FBXL17: variants seen among roughly 807,000 people sequenced by gnomAD.
FBXL17 encodes the protein F-box and leucine rich repeat protein 17.
In FBXL17, 22 loss-of-function variants were observed where a neutral mutation model predicts 66.2. The observed-to-expected ratio is 0.33, with a 90% CI of 0.24 to 0.47. The LOEUF (loss-of-function observed/expected upper bound fraction) is 0.47. Ranked by LOEUF, FBXL17 falls within the 20% of genes least tolerant of loss-of-function variation. The probability of loss-of-function intolerance (pLI) is 1.00; values close to 1 mark genes in which losing one functional copy is unlikely to be tolerated. For synonymous variants in FBXL17, 474 were observed against 400.5 expected (o/e 1.18, Z -2.19); for missense variants, 878 against 948.2 (o/e 0.93, Z 0.97).
At chr5:108,041,579 G>A (rs1747047922) in intron 6 of FBXL17, among the ~76,000 whole-genome samples, 1 of 151,906 alleles carries the variant, frequency 6.6e-6, no homozygotes, top group African/African-American at 2.4e-5. Flanking sequence ...ACCACATCTG[G>A]CTAATTTTTT....
At chr5:107,880,560 G>C (rs567887704) in intron 8 of FBXL17, 1 of 1,017,216 alleles carries the variant, frequency 9.8e-7, no homozygotes, top group East Asian at 9.3e-5. Context: ...CCCCCTTACT[G>C]GCCCTTTGTT....
intron 7 of FBXL17, among the ~76,000 whole-genome samples, chr5:107,943,988 C>T (rs1381358076): frequency 1.3e-5 from 2 of 152,152 alleles, no homozygotes; most frequent in Admixed American, 6.5e-5. Flanking sequence ...GTGCCTTGTA[C>T]ATTGATGTCA....
chr5:107,994,036 A>T (rs1753370429), intron 7 of FBXL17, among the ~76,000 whole-genome samples: 1 of 152,146 alleles, frequency 6.6e-6, no homozygotes, highest in Non-Finnish European at 1.5e-5. Context: ...TCATACTAAA[A>T]TTATAATTAT....
intron 6 of FBXL17, among the ~76,000 whole-genome samples, chr5:108,034,053 C>T (rs1009350122): frequency 1.3e-5 from 2 of 152,070 alleles, no homozygotes; most frequent in Non-Finnish European, 2.9e-5. Context: ...CTTTCTGGGC[C>T]CAGATAACAT....
At chr5:108,206,071 G>A (rs1580612056) in intron 5 of FBXL17, among the ~76,000 whole-genome samples, 1 of 151,960 alleles carries the variant, frequency 6.6e-6, no homozygotes, top group East Asian at 1.9e-4. Flanking sequence ...TTCCTACATG[G>A]GAATATCAAT....
At chr5:108,322,309 T>C (rs1182462092) in intron 4 of FBXL17, among the ~76,000 whole-genome samples, 2 of 152,012 alleles carry the variant, frequency 1.3e-5, no homozygotes, top group African/African-American at 2.4e-5. Context: ...TGGCTACTGA[T>C]TGAAAGAATT....
chr5:107,986,467 T>G (rs1753016459), intron 7 of FBXL17, among the ~76,000 whole-genome samples: 1 of 151,618 alleles, frequency 6.6e-6, no homozygotes, highest in Non-Finnish European at 1.5e-5. Flanking sequence ...TAATATATAT[T>G]TATCATTTTG....
intron 6 of FBXL17, among the ~76,000 whole-genome samples, chr5:108,085,164 G>T (rs1748920798): frequency 6.6e-6 from 1 of 152,202 alleles, no homozygotes; most frequent in Non-Finnish European, 1.5e-5. Context: ...TTCACTGGAT[G>T]TCCAACTGTA....
chr5:108,279,541 T>A (rs1159276377), intron 4 of FBXL17, among the ~76,000 whole-genome samples: 1 of 149,524 alleles, frequency 6.7e-6, no homozygotes, highest in East Asian at 2.0e-4. Flanking sequence ...AACATCATAG[T>A]CACATCTTCA....
chr5:107,979,029 T>G (rs1752698887), intron 7 of FBXL17, among the ~76,000 whole-genome samples: 1 of 152,218 alleles, frequency 6.6e-6, no homozygotes, highest in Admixed American at 6.5e-5. Flanking sequence ...CTCAGTTTTC[T>G]AACTGTAAAA....
At chr5:108,294,862 CA>C (rs1758280924) in intron 4 of FBXL17, among the ~76,000 whole-genome samples, 1 of 152,038 alleles carries the variant, frequency 6.6e-6, no homozygotes, top group Non-Finnish European at 1.5e-5. Context: ...TTCATATCCA[CA>C]GTTGTTCTTT....
At chr5:108,223,432 T>G (rs896460424) in intron 5 of FBXL17, among the ~76,000 whole-genome samples, 1 of 141,900 alleles carries the variant, frequency 7.0e-6, no homozygotes, top group Non-Finnish European at 1.5e-5. Context: ...CTAAGTACTA[T>G]AGGATAGAAC....
At chr5:108,018,241 A>T (rs902042437) in intron 7 of FBXL17, among the ~76,000 whole-genome samples, 1 of 152,130 alleles carries the variant, frequency 6.6e-6, no homozygotes, top group African/African-American at 2.4e-5. Context: ...ATTTCTAAGT[A>T]GCTTCAATAA....
intron 4 of FBXL17, among the ~76,000 whole-genome samples, chr5:108,331,264 G>A (rs1437682285): frequency 1.3e-5 from 2 of 152,092 alleles, no homozygotes; most frequent in African/African-American, 4.8e-5. Flanking sequence ...CCAAAGGACT[G>A]CATTAGTATG....
chr5:107,975,704 G>A (rs1466457643), intron 7 of FBXL17, among the ~76,000 whole-genome samples: 1 of 152,052 alleles, frequency 6.6e-6, no homozygotes, highest in Non-Finnish European at 1.5e-5. Flanking sequence ...ATTGAAATGG[G>A]TAGGATGAAT....
intron 8 of FBXL17, chr5:107,879,032 A>G: frequency 1.0e-6 from 1 of 985,476 alleles, no homozygotes; most frequent in African/African-American, 1.7e-5. Context: ...TTTTGGACTA[A>G]TTTGCATTTG....
Position 107,997,425 on chromosome 5 carries a change from T to C in FBXL17, c.1822+23500A>G, listed in dbSNP as rs1753522994. ...TACAGCAAAGTCCACAATTCAGATG[T>C]ATGTTCTCTACAGTGGCTCTTCTCC... On this transcript the variant is annotated intron_variant, in intron 7 of 8. Transcript: ENST00000542267. Among the ~76,000 whole-genome samples the C allele has an allele frequency of 2.0e-5, 3 of 152,198 alleles. No individual in the cohort carries two copies. In the South Asian group the frequency reaches 6.2e-4, roughly 32 times the overall value.
At chr5:107,898,897 G>A (rs949683258) in intron 7 of FBXL17, among the ~76,000 whole-genome samples, 2 of 152,144 alleles carry the variant, frequency 1.3e-5, no homozygotes, top group African/African-American at 4.8e-5. Context: ...CCAAGTCTTT[G>A]CTATCGTGAA....
intron 6 of FBXL17, among the ~76,000 whole-genome samples, chr5:108,023,610 T>C (rs2112769395): frequency 6.6e-6 from 1 of 152,208 alleles, no homozygotes; most frequent in East Asian, 1.9e-4. Context: ...ACTTTTAGAG[T>C]CCATTCTATA....
Sources: gnomAD v4.1 joint callset for allele counts (sites outside exome capture counted in the v4.1 genomes callset) on GRCh38, gnomAD v4.1.1 for gene constraint, MANE v1.5 for transcripts, NCBI Gene and HGNC (gene_info 2026-07-23, HGNC 2026-07-21) for gene names.